The following TCHH variants were observed in gnomAD, a reference collection of about 807,000 sequenced individuals.
TCHH encodes trichohyalin.
A neutral mutation model predicts 6.3 loss-of-function variants in TCHH; 6 were observed. That is an observed-to-expected ratio of 0.95 (90% CI 0.52 to 1.88). TCHH has a LOEUF of 1.88. TCHH is among the 40% of genes most tolerant of loss of function. TCHH has a pLI of 0.01. For missense variants in TCHH, 2,920 were observed against 2,449.1 expected, an observed-to-expected ratio of 1.19 and a Z score of -4.06; for synonymous variants, 1,087 against 963.6, an observed-to-expected ratio of 1.13 and a Z score of -2.37.
At position 152,113,007 on chromosome 1, in the gene TCHH, A is replaced by T; in HGVS notation, c.210T>A (p.Asp70Glu). 4 of 1,614,074 alleles carry T rather than the reference A, an allele frequency of 2.5e-6. No individual in the cohort carries two copies. The highest frequency in any genetic ancestry group is 3.4e-6 in the Non-Finnish European group (4 of 1,180,030). Reference sequence around the variant, plus strand: ...AAATAAATAGGAGGAATTCGTTGAAATCGACACGCCCATTACTGTCAAGAT... The same window carrying T: ...AAATAAATAGGAGGAATTCGTTGAATTCGACACGCCCATTACTGTCAAGAT... ...LLDLDSNGRV[D>E]FNEFLLFIFK... Residue 70 changes from aspartate (D) to glutamate (E), a missense_variant, in exon 3 of 3, where the codon GAT becomes GAA. Asp to Glu is a conservative substitution (Grantham distance 45, BLOSUM62 2). Coordinates refer to ENST00000614923, the MANE Select transcript of TCHH (RefSeq NM_007113.4).
chr1:152,111,681 C>T lies in TCHH; in HGVS notation c.1536G>A (p.Glu512=). The T allele has an allele frequency of 6.4e-7, 1 of 1,560,284 alleles. No homozygotes were observed. The highest frequency in any genetic ancestry group is 8.7e-7 in the Non-Finnish European group (1 of 1,145,060). The change falls in exon 3 of 3, where the codon GAG becomes GAA. Residue 512 remains glutamate (E), a synonymous_variant. Coordinates refer to ENST00000614923, the MANE Select transcript of TCHH (RefSeq NM_007113.4). ...GCTTCAGCCGCTGCTCGCGCCTCTCCTCTTGCTCCCGCCTTAGTTGCTGCT... is the reference window on the plus strand; with the variant it reads ...GCTTCAGCCGCTGCTCGCGCCTCTCTTCTTGCTCCCGCCTTAGTTGCTGCT... ...RREQQLRREQ[E]ERREQRLKRQ...
Position 152,109,332 on chromosome 1 carries a change from C to A in TCHH, c.3885G>T (p.Glu1295Asp). ...GCTCTTCTCGCTCCAGCTGTTCTTC[C>A]TCTGGGAAATGCCTGTCGCGCTGCT... ...RWQQRDRHFP[E>D]EEQLEREEQK... The change falls in exon 3 of 3, where the codon GAG (glutamate) becomes GAT (aspartate). Residue 1295 changes from glutamate to aspartate, a missense_variant. Physicochemically the swap from Glu to Asp is conservative, Grantham distance 45. Coordinates refer to ENST00000614923, the MANE Select transcript of TCHH (RefSeq NM_007113.4). 3 of 1,614,190 alleles carry A rather than the reference C, an allele frequency of 1.9e-6. No homozygotes were observed. Among genetic ancestry groups the A allele is most frequent in the Non-Finnish European group, 2.5e-6 (3 of 1,180,036 alleles).
At position 152,110,241 on chromosome 1, in the gene TCHH, C is replaced by T. The variant is rs1318776621; in HGVS notation, c.2976G>A (p.Glu992=). ...RRQEREKKYR[E]EEELQQEEEQ... Reference sequence around the variant, plus strand: ...CTTCCTCCTGCTGCAACTCCTCTTCCTCGCGGTATTTTTTCTCCCGCTCCT... The same window carrying T: ...CTTCCTCCTGCTGCAACTCCTCTTCTTCGCGGTATTTTTTCTCCCGCTCCT... The change falls in exon 3 of 3, where the codon GAG becomes GAA. Residue 992 remains glutamate (E), a synonymous_variant. Coordinates refer to ENST00000614923, the MANE Select transcript of TCHH (RefSeq NM_007113.4). 1.2e-6 allele frequency: 2 copies of T among 1,608,592 alleles called. No individual in the cohort carries two copies. Among genetic ancestry groups the T allele is most frequent in the African/African-American group, 2.7e-5 (2 of 74,178 alleles).
rs1383153999 is a variant in TCHH at position 152,112,057 on chromosome 1, T to C, written c.1160A>G (p.Gln387Arg). The C allele has an allele frequency of 6.6e-7, 1 of 1,521,626 alleles. No homozygotes were observed. 94.3% of individuals were successfully genotyped at this position (1,521,626 alleles called of 1,614,324 possible). Reference sequence around the variant, plus strand: ...CAGCTGCTGCTCGCGCCTCAGCTGCTGCTCGCGCCTCAGCTGCTGCTCGCG... The same window carrying C: ...CAGCTGCTGCTCGCGCCTCAGCTGCCGCTCGCGCCTCAGCTGCTGCTCGCG... ...LRREQQLRREQQLRREQQLRR... is the reference protein window; with the variant it reads ...LRREQQLRRERQLRREQQLRR... The change falls in exon 3 of 3, where the codon CAG (glutamine) becomes CGG (arginine). Residue 387 changes from glutamine (Q) to arginine (R), a missense_variant. Physicochemically the swap from Gln to Arg is conservative, Grantham distance 43. Transcript: ENST00000614923.
In TCHH at chr1:152,109,243, C is replaced by T. The variant is rs771928258; in HGVS notation, c.3974G>A (p.Arg1325Lys). 3 of 1,614,236 alleles carry T rather than the reference C, an allele frequency of 1.9e-6. No homozygotes were observed. In the South Asian group the frequency reaches 3.3e-5, roughly 18 times the overall value. The change falls in exon 3 of 3, where the codon AGA becomes AAA. Residue 1325 changes from arginine to lysine, a missense_variant. Physicochemically the swap from Arg to Lys is conservative, Grantham distance 26 (BLOSUM62 2). Transcript: ENST00000614923. Reference protein sequence around the residue: ...QEEKQLLREEREEKRRRQETD... With the variant: ...QEEKQLLREEKEEKRRRQETD... ...CTCTTGACGGCGTCTCTTCTCTTCT[C>T]TTTCCTCTCTCAGCAACTGCTTTTC...
Position 152,112,370 on chromosome 1 carries a change from G to T in TCHH, c.847C>A (p.Arg283=), listed in dbSNP as rs1401241560. ...TGGCGCTCCCTCCTCAGCTCTTGCCGCTCCAGCTTCCGTAGCTGCTCTTCT... is the reference window on the plus strand; with the variant it reads ...TGGCGCTCCCTCCTCAGCTCTTGCCTCTCCAGCTTCCGTAGCTGCTCTTCT... ...EEEEQLRKLE[R]QELRRERQEE... The change falls in exon 3 of 3, where the codon CGG becomes AGG. Residue 283 remains arginine (R), a synonymous_variant. Transcript: ENST00000614923. 6.2e-7 allele frequency: 1 copy of T among 1,613,446 alleles called. No homozygotes were observed. Among genetic ancestry groups the T allele is most frequent in the Non-Finnish European group, 8.5e-7 (1 of 1,179,960 alleles).
chr1:152,112,784 C>G lies in TCHH; in HGVS notation c.433G>C (p.Glu145Gln), dbSNP rs1335786821. The change falls in exon 3 of 3, where the codon GAG becomes CAG. Residue 145 changes from glutamate (E) to glutamine (Q), a missense_variant. By Grantham distance (29) the Glu-to-Gln change is conservative. Coordinates refer to ENST00000614923, the MANE Select transcript of TCHH (RefSeq NM_007113.4). Reference sequence around the variant, plus strand: ...TCCTCTCCCTCAGCTAGCTCCCTCTCCTGTTCCTGCCTCTTCTGCCTGCGT... The same window carrying G: ...TCCTCTCCCTCAGCTAGCTCCCTCTGCTGTTCCTGCCTCTTCTGCCTGCGT... The part of the protein sequence containing the change: ...QRRRQKRQEQ[E>Q]RELAEGEEQS... The G allele has an allele frequency of 6.2e-7, 1 of 1,614,042 alleles. No homozygotes were observed. Among genetic ancestry groups the G allele is most frequent in the South Asian group, 1.1e-5 (1 of 91,070 alleles).
Position 152,109,214 on chromosome 1 carries a change from CTG to C in TCHH, c.4001_4002del (p.Thr1334ArgfsTer25). 6.2e-7 allele frequency: 1 copy of C among 1,614,258 alleles called. No homozygotes were observed. Among genetic ancestry groups the C allele is most frequent in the Non-Finnish European group, 8.5e-7 (1 of 1,180,028 alleles). On this transcript the variant is annotated frameshift_variant, in exon 3 of 3. Transcript: ENST00000614923. LOFTEE classifies it low-confidence loss of function (END_TRUNC). ...EREEKRRRQE[T>X]DRKFREEEQL... ...TGTTCCTCCTCGCGGAATTTTCTGT[CTG>C]TCTCTTGACGGCGTCTCTTCTCTTC...
In TCHH at chr1:152,112,360, A is replaced by T; in HGVS notation, c.857T>A (p.Leu286Gln). The change falls in exon 3 of 3, where the codon CTG becomes CAG. Residue 286 changes from leucine to glutamine, a missense_variant. Transcript: ENST00000614923. ...CTCTTCCTCCTGGCGCTCCCTCCTC[A>T]GCTCTTGCCGCTCCAGCTTCCGTAG... ...EQLRKLERQELRRERQEEEQQ... is the reference protein window; with the variant it reads ...EQLRKLERQEQRRERQEEEQQ... The T allele has an allele frequency of 6.2e-7, 1 of 1,612,378 alleles. No individual in the cohort carries two copies. The highest frequency in any genetic ancestry group is 8.5e-7 in the Non-Finnish European group (1 of 1,179,702).
rs1439519896 is a variant in TCHH at position 152,114,247 on chromosome 1, TTAATATTTGAATATTGTA to T, written c.-31-154_-31-137del. 4.9e-6 allele frequency: 3 copies of T among 618,324 alleles called. No individual in the cohort carries two copies. The East Asian group carries it at 9.0e-5, about 18-fold the overall frequency. 38.3% of individuals were successfully genotyped at this position (618,324 alleles called of 1,614,324 possible). On this transcript the variant is annotated intron_variant, in intron 1 of 2. Coordinates refer to ENST00000614923, the MANE Select transcript of TCHH (RefSeq NM_007113.4). ...TTTCAACCTGGACTTTCAGAGCACT[TTAATATTTGAATATTGTA>T]TCAGAAAGAGAAAGAGCGATCCTGA... is the stretch of plus-strand genomic sequence containing the variant.
chr1:152,107,863 T>C lies in TCHH; in HGVS notation c.5354A>G (p.Glu1785Gly). The C allele has an allele frequency of 6.2e-7, 1 of 1,614,010 alleles. No individual in the cohort carries two copies. The highest frequency in any genetic ancestry group is 8.5e-7 in the Non-Finnish European group (1 of 1,179,960). Residue 1785 changes from glutamate to glycine, a missense_variant, in exon 3 of 3, where the codon GAA (glutamate) becomes GGA (glycine). Physicochemically the swap from Glu to Gly is moderately conservative, Grantham distance 98 (BLOSUM62 -2). Coordinates refer to ENST00000614923, the MANE Select transcript of TCHH (RefSeq NM_007113.4). ...EEEQLRQERE[E>G]QQLRSQESDR... The stretch of plus-strand genomic sequence containing the variant: ...AGACTCTTGGCTGCGCAGCTGCTGT[T>C]CCTCCCTCTCCTGGCGGAGCTGTTC...
chr1:152,113,729 TC>T lies in TCHH; in HGVS notation c.138+213del, dbSNP rs1467384490. On this transcript the variant is annotated intron_variant, in intron 2 of 2. Coordinates refer to ENST00000614923, the MANE Select transcript of TCHH (RefSeq NM_007113.4). ...TGGTAATGTCCCATGAAGAGCTCATTCACATGGCCATGCCATCAAGTACATG... is the reference window on the plus strand; with the variant it reads ...TGGTAATGTCCCATGAAGAGCTCATTACATGGCCATGCCATCAAGTACATG... Among the ~76,000 whole-genome samples the T allele has an allele frequency of 2.0e-5, 3 of 152,196 alleles. No individual in the cohort carries two copies. In the East Asian group the frequency reaches 5.8e-4, roughly 29 times the overall value.
rs748062971 is a variant in TCHH, at chr1:152,107,862, T to C, written c.5355A>G (p.Glu1785=). The C allele has an allele frequency of 5.6e-6, 9 of 1,613,882 alleles. No homozygotes were observed. The highest frequency in any genetic ancestry group is 1.7e-5 in the Admixed American group (1 of 59,984). ...CAGACTCTTGGCTGCGCAGCTGCTG[T>C]TCCTCCCTCTCCTGGCGGAGCTGTT... is the stretch of plus-strand genomic sequence containing the variant. ...EEEQLRQERE[E]QQLRSQESDR... Residue 1785 remains glutamate, a synonymous_variant, in exon 3 of 3, where the codon GAA becomes GAG. Transcript: ENST00000614923.
chr1:152,111,371 G>A lies in TCHH; in HGVS notation c.1846C>T (p.Arg616Cys). ...TCCTCGCGCTTCAGCCGCTGCTCGC[G>A]CCTCTCCTCCTGCTCGAGTCTCTCC... ...EVERLEQEERREQRLKREEPE... is the reference protein window; with the variant it reads ...EVERLEQEERCEQRLKREEPE... Residue 616 changes from arginine to cysteine, a missense_variant, in exon 3 of 3, where the codon CGC becomes TGC. Arg to Cys is a radical substitution (Grantham distance 180). Transcript: ENST00000614923. The A allele has an allele frequency of 6.2e-7, 1 of 1,607,704 alleles. No individual in the cohort carries two copies. The highest frequency in any genetic ancestry group is 2.2e-5 in the East Asian group (1 of 44,452).
Position 152,110,745 on chromosome 1 carries a change from T to C in TCHH, c.2472A>G (p.Arg824=). The C allele has an allele frequency of 1.2e-6, 2 of 1,609,098 alleles. No individual in the cohort carries two copies. The highest frequency in any genetic ancestry group is 4.5e-5 in the East Asian group (2 of 44,846). The change falls in exon 3 of 3, where the codon CGA becomes CGG. Residue 824 remains arginine (R), a synonymous_variant. Transcript: ENST00000614923. ...ACTGCAGCTCTTTCTCCCTCTCGCG[T>C]CGCTGGCGGCGCCGCTGCTCCTTCT... ...EEEKEQRRRQ[R]REREKELQFL...
chr1:152,107,709 C>T lies in TCHH; in HGVS notation c.5508G>A (p.Arg1836=), dbSNP rs779744010. Residue 1836 remains arginine, a synonymous_variant, in exon 3 of 3, where the codon AGG becomes AGA. Coordinates refer to ENST00000614923, the MANE Select transcript of TCHH (RefSeq NM_007113.4). The part of the protein sequence containing the change: ...EQLQLEEQEQ[R]LRQERDRQYR... The stretch of plus-strand genomic sequence containing the variant: ...ACTGCCGGTCTCGCTCCTGCCGCAG[C>T]CTCTGCTCTTGTTCCTCAAGTTGGA... 3 of 1,613,438 alleles carry T rather than the reference C, an allele frequency of 1.9e-6. No individual in the cohort carries two copies. Among genetic ancestry groups the T allele is most frequent in the Admixed American group, 1.7e-5 (1 of 59,980 alleles).
rs376772369 is a variant in TCHH, at chr1:152,110,323, T to A, written c.2894A>T (p.Lys965Met). 2.5e-6 allele frequency: 4 copies of A among 1,610,518 alleles called. No homozygotes were observed. Among genetic ancestry groups the A allele is most frequent in the Non-Finnish European group, 3.4e-6 (4 of 1,178,728 alleles). The change falls in exon 3 of 3, where the codon AAG becomes ATG. Residue 965 changes from lysine to methionine, a missense_variant. Coordinates refer to ENST00000614923, the MANE Select transcript of TCHH (RefSeq NM_007113.4). ...CAGCTGCTCTTCCTTCTGCTGCAGC[T>A]TCTTATCCTTCCGATATTGCCTTTC... ...ERERQYRKDKKLQQKEEQLLG... is the reference protein window; with the variant it reads ...ERERQYRKDKMLQQKEEQLLG...
chr1:152,111,615 G>A lies in TCHH; in HGVS notation c.1602C>T (p.Ser534=). The A allele has an allele frequency of 1.3e-6, 2 of 1,591,292 alleles. No homozygotes were observed. The highest frequency in any genetic ancestry group is 1.7e-6 in the Non-Finnish European group (2 of 1,173,618). ...CCTGCTCGCGTCTTAGTTGTTGCTC[G>A]CTCCTCAACCGCTGCTGGAGCCTCT... The part of the protein sequence containing the change: ...EEERLQQRLR[S]EQQLRREQEE... Residue 534 remains serine, a synonymous_variant, in exon 3 of 3, where the codon AGC becomes AGT. Coordinates refer to ENST00000614923, the MANE Select transcript of TCHH (RefSeq NM_007113.4).
rs540423427 is a variant in TCHH, at chr1:152,110,531, G to A, written c.2686C>T (p.Gln896Ter). The change falls in exon 3 of 3, where the codon CAA (glutamine) becomes TAA (stop). Residue 896 changes from glutamine to a stop codon, truncating the protein, a stop_gained. Coordinates refer to ENST00000614923, the MANE Select transcript of TCHH (RefSeq NM_007113.4). LOFTEE classifies it low-confidence loss of function (END_TRUNC). ...TGCTGTTCCTTCCTCAGCTGCTCTT[G>A]TAGGGCTGGCTTGGCGTACAGCGTG... ...RHTLYAKPAL[Q>*]EQLRKEQQLL... 3 of 1,614,074 alleles carry A rather than the reference G, an allele frequency of 1.9e-6. No homozygotes were observed. The highest frequency in any genetic ancestry group is 2.5e-6 in the Non-Finnish European group (3 of 1,180,004).
Sources: allele counts gnomAD v4.1 joint callset (sites outside exome capture counted in the v4.1 genomes callset), GRCh38; gene constraint gnomAD v4.1.1; transcripts MANE v1.5; gene names NCBI Gene and HGNC (gene_info 2026-07-23, HGNC 2026-07-21).